SNX19: variants seen among roughly 807,000 people sequenced by gnomAD.
The protein encoded by SNX19 is sorting nexin-19.
Under a neutral mutation model 85.2 loss-of-function variants are expected in SNX19, and 60 were observed. The ratio of observed to expected loss-of-function variants is 0.70; its 90% confidence interval spans 0.57 to 0.87. The LOEUF (loss-of-function observed/expected upper bound fraction) is 0.87, where lower values mean the gene tolerates loss of function less well. Ranked by LOEUF, SNX19 falls within the 40% of genes least tolerant of loss-of-function variation. The pLI is 0.00. For synonymous variants in SNX19, 520 were observed against 470.0 expected (o/e 1.11, Z -1.38); for missense variants, 1,201 against 1,217.8 (o/e 0.99, Z 0.21).
intron 8 of SNX19, among the ~76,000 whole-genome samples, chr11:130,896,434 A>G (rs571389253): frequency 1.3e-5 from 2 of 152,340 alleles, no homozygotes; most frequent in African/African-American, 4.8e-5. Context: ...ATATGCTACC[A>G]TCAGATGCGT....
At chr11:130,894,007 T>C (rs1944688748) in intron 8 of SNX19, 1 of 575,784 alleles carries the variant, frequency 1.7e-6, no homozygotes, top group Non-Finnish European at 3.1e-6. Context: ...ACCAAGTTAA[T>C]GGGGGAGAGC....
chr11:130,907,831 A>G (rs181185077), intron 5 of SNX19, 122 bp downstream of exon 5: 1 of 1,452,690 alleles, frequency 6.9e-7, no homozygotes, highest in Non-Finnish European at 9.3e-7. Context: ...TTTGCCTAAA[A>G]ACTGGTATGT....
intron 8 of SNX19, 35 bp downstream of exon 8, chr11:130,903,219 GA>G (rs1387418900): frequency 1.9e-6 from 3 of 1,611,992 alleles, no homozygotes; most frequent in African/African-American, 1.3e-5. Flanking sequence ...TCTGCAACTT[GA>G]GATTCTGATG....
In SNX19 at chr11:130,869,762, T is replaced by A. The variant is rs1309223784; in HGVS notation, c.*8660A>T. 1 of 152,204 alleles carries A rather than the reference T, an allele frequency of 6.6e-6. No homozygotes were observed. Among genetic ancestry groups the A allele is most frequent in the Non-Finnish European group, 1.5e-5 (1 of 68,048 alleles). 9.4% of individuals were successfully genotyped at this position (152,204 alleles called of 1,614,324 possible). A position where few individuals can be genotyped will look rare whatever the true frequency, so the allele number is the denominator to read the frequency against. ...TCTGGCCAACTTTCCTCACAGAATA[T>A]CAATTGTGGAATCAAGTATAGGGAA... On this transcript the variant is annotated 3_prime_UTR_variant, in exon 11 of 11. Coordinates refer to ENST00000265909, the MANE Select transcript of SNX19 (RefSeq NM_014758.3).
At chr11:130,889,852 C>T (rs1270468740) in intron 8 of SNX19, among the ~76,000 whole-genome samples, 2 of 152,114 alleles carry the variant, frequency 1.3e-5, no homozygotes, top group African/African-American at 4.8e-5. Flanking sequence ...AAAACCTTGC[C>T]TTGGTACCAG....
intron 8 of SNX19, among the ~76,000 whole-genome samples, chr11:130,889,869 G>A (rs1448056468): frequency 1.3e-5 from 2 of 152,068 alleles, no homozygotes; most frequent in South Asian, 2.1e-4. Context: ...CCAGCTACAA[G>A]GTTAGCTATT....
At chr11:130,890,113 T>A (rs1043499755) in intron 8 of SNX19, among the ~76,000 whole-genome samples, 8 of 152,168 alleles carry the variant, frequency 5.3e-5, no homozygotes, top group African/African-American at 1.4e-4. Context: ...CAGAAAGATA[T>A]TACCCCATCT....
At chr11:130,903,932 GA>G (rs1298165220) in intron 7 of SNX19, among the ~76,000 whole-genome samples, 1 of 141,642 alleles carries the variant, frequency 7.1e-6, no homozygotes, top group Non-Finnish European at 1.5e-5. Flanking sequence ...CAGAAGTGGG[GA>G]AAGAGTTGGC....
At position 130,910,042 on chromosome 11, in the gene SNX19, T is replaced by C. The variant is rs753973649; in HGVS notation, c.2010A>G (p.Pro670=). 5 of 1,613,828 alleles carry C rather than the reference T, an allele frequency of 3.1e-6. No homozygotes were observed. In the South Asian group the frequency reaches 3.3e-5, roughly 11 times the overall value. ...TDARIAFVKK[P]FMVSRIDKMV... is the part of the protein sequence containing the mutation. ...CCTTGTCTATTCTAGAGACCATAAA[T>C]GGTTTCTTGACAAAGGCAATACGAG... is the stretch of plus-strand genomic sequence containing the variant. Residue 670 remains proline (P), a synonymous_variant, in exon 4 of 11, where the codon CCA becomes CCG. Transcript: ENST00000265909.
At position 130,874,439 on chromosome 11, in the gene SNX19, T is replaced by C. The variant is rs1426361154; in HGVS notation, c.*3983A>G. On this transcript the variant is annotated 3_prime_UTR_variant, in exon 11 of 11. Coordinates refer to ENST00000265909, the MANE Select transcript of SNX19 (RefSeq NM_014758.3). ...TATCTCTGGGTGTGATGCCTGAAAC[T>C]GCAGCAGCAGGAAGGCAGGCAGTCT... Among the ~76,000 whole-genome samples, 1 of 152,206 alleles carries C rather than the reference T, an allele frequency of 6.6e-6. No individual in the cohort carries two copies. The highest frequency in any genetic ancestry group is 1.5e-5 in the Non-Finnish European group (1 of 68,038).
intron 8 of SNX19, among the ~76,000 whole-genome samples, chr11:130,886,924 T>C (rs1470217929): frequency 6.6e-6 from 1 of 152,136 alleles, no homozygotes; most frequent in South Asian, 2.1e-4. Flanking sequence ...TGTATCTAGG[T>C]CACCATCCTT....
At position 130,914,708 on chromosome 11, in the gene SNX19, A is replaced by T. The variant is rs774221523; in HGVS notation, c.1232T>A (p.Leu411Gln). The part of the protein sequence containing the change: ...ALCALESSQA[L>Q]EPKDGEASEG... ...AGATGCCTCACCATCTTTGGGTTCC[A>T]GAGCCTGGGAACTCTCTAGGGCACA... Residue 411 changes from leucine to glutamine, a missense_variant, in exon 1 of 11, where the codon CTG (leucine) becomes CAG (glutamine). Physicochemically the swap from Leu to Gln is moderately radical, Grantham distance 113. Transcript: ENST00000265909. 3.1e-6 allele frequency: 5 copies of T among 1,614,044 alleles called. No homozygotes were observed. The South Asian group carries it at 5.5e-5, about 18-fold the overall frequency.
At chr11:130,889,309 T>G (rs764856259) in intron 8 of SNX19, among the ~76,000 whole-genome samples, 1 of 152,098 alleles carries the variant, frequency 6.6e-6, no homozygotes, top group Admixed American at 6.6e-5. Flanking sequence ...CTGACTCTTT[T>G]TCTTCCTCAT....
chr11:130,913,673 T>G (rs954799832), intron 1 of SNX19, among the ~76,000 whole-genome samples: 14 of 152,238 alleles, frequency 9.2e-5, no homozygotes, highest in Admixed American at 8.5e-4. Flanking sequence ...TGATTTCTTT[T>G]TCAAAATACT....
Position 130,910,368 on chromosome 11 carries a change from C to T in SNX19, c.1816G>A (p.Val606Met), listed in dbSNP as rs760734580. 1.8e-5 allele frequency: 28 copies of T among 1,555,520 alleles called. No homozygotes were observed. The highest frequency in any genetic ancestry group is 2.3e-5 in the Non-Finnish European group (26 of 1,152,824). ...GGAAAGAGCTTTTTAGGACCCTTCA[C>T]ATCTTCCAAAAAAAAAAAAAATCAA... Reference protein sequence around the residue: ...KPDLRKFIKNVKGPKKLFPDL... With the variant: ...KPDLRKFIKNMKGPKKLFPDL... Residue 606 changes from valine (V) to methionine (M), a missense_variant and splice_region_variant, in exon 3 of 11, where the codon GTG becomes ATG. Transcript: ENST00000265909.
In SNX19 at chr11:130,915,542, G is replaced by A; in HGVS notation, c.398C>T (p.Ala133Val). 6.2e-7 allele frequency: 1 copy of A among 1,614,230 alleles called. No homozygotes were observed. The highest frequency in any genetic ancestry group is 1.7e-5 in the Admixed American group (1 of 60,028). The part of the protein sequence containing the change: ...QEPAFEEEME[A>V]AMKGLVQELR... ...CTCCTGGACCAACCCTTTCATGGCT[G>A]CCTCCATTTCTTCCTCAAAGGCTGG... Residue 133 changes from alanine to valine, a missense_variant, in exon 1 of 11, where the codon GCA (alanine) becomes GTA (valine). Transcript: ENST00000265909.
At chr11:130,908,679 G>A (rs912158802) in intron 4 of SNX19, among the ~76,000 whole-genome samples, 1 of 151,994 alleles carries the variant, frequency 6.6e-6, no homozygotes, top group African/African-American at 2.4e-5. Context: ...AAGATATCTG[G>A]AGTTGAGTTG....
Position 130,868,334 on chromosome 11 carries a change from CAA to C in SNX19, c.*10086_*10087del, listed in dbSNP as rs1192624233. 1 of 152,094 alleles carries C rather than the reference CAA, an allele frequency of 6.6e-6. No individual in the cohort carries two copies. Among genetic ancestry groups the C allele is most frequent in the Non-Finnish European group, 1.5e-5 (1 of 68,026 alleles). 9.4% of individuals were successfully genotyped at this position (152,094 alleles called of 1,614,324 possible). A position where few individuals can be genotyped will look rare whatever the true frequency, so the allele number is the denominator to read the frequency against. Reference sequence around the variant, plus strand: ...AGCCCTTTCACCAGGAACTGGGTTGCAAAGTCTGTTAGTGGAAAAAAAAGCAA... The same window carrying C: ...AGCCCTTTCACCAGGAACTGGGTTGCAGTCTGTTAGTGGAAAAAAAAGCAA... On this transcript the variant is annotated 3_prime_UTR_variant, in exon 11 of 11. Transcript: ENST00000265909.
At position 130,871,005 on chromosome 11, in the gene SNX19, T is replaced by C. The variant is rs2135248652; in HGVS notation, c.*7417A>G. On this transcript the variant is annotated 3_prime_UTR_variant, in exon 11 of 11. Transcript: ENST00000265909. ...GGCTGGTGCAATCAGACAGTGCTTC[T>C]TGAAAATGGAACTTGAATTGGTCCT... is the stretch of plus-strand genomic sequence containing the variant. Among the ~76,000 whole-genome samples the C allele has an allele frequency of 6.6e-6, 1 of 152,218 alleles. No individual in the cohort carries two copies. The highest frequency in any genetic ancestry group is 2.1e-4 in the South Asian group (1 of 4,814).
Sources: allele counts gnomAD v4.1 joint callset (sites outside exome capture counted in the v4.1 genomes callset), GRCh38; gene constraint gnomAD v4.1.1; transcripts MANE v1.5; gene names NCBI Gene and HGNC (gene_info 2026-07-23, HGNC 2026-07-21).